Variants in ARL14EPL observed in about 807,000 individuals in gnomAD.
ARL14EPL encodes ARF like GTPase 14 effector protein like.
ARL14EPL carries 17 observed loss-of-function variants against 15.9 expected under a neutral mutation model. That is an observed-to-expected ratio of 1.07 (90% CI 0.73 to 1.60). The LOEUF is 1.60. ARL14EPL is among the 40% of genes most tolerant of loss of function. The pLI, the probability that ARL14EPL is intolerant of heterozygous loss-of-function variation, is 0.00. For synonymous variants in ARL14EPL, 78 were observed against 63.8 expected, an observed-to-expected ratio of 1.22 and a Z score of -1.06; for missense variants, 214 against 185.9, an observed-to-expected ratio of 1.15 and a Z score of -0.88.
chr5:116,058,902 G>A lies in ARL14EPL; in HGVS notation c.414G>A (p.Glu138=), dbSNP rs1749584498. 1 of 1,536,094 alleles carries A rather than the reference G, an allele frequency of 6.5e-7. No homozygotes were observed. Among genetic ancestry groups the A allele is most frequent in the Non-Finnish European group, 8.7e-7 (1 of 1,146,896 alleles). ...GGGTTTACGATGCCATCGTCACTGA[G>A]TCAGGAGAGGTCATCAGCACGCTGC... ...RRWVYDAIVT[E]SGEVISTLPF... The change falls in exon 4 of 4, where the codon GAG becomes GAA. Residue 138 remains glutamate (E), a synonymous_variant. Transcript: ENST00000686077.
At chr5:116,049,379 ACT>A (rs1749328779) in intron 1 of ARL14EPL, among the ~76,000 whole-genome samples, 1 of 151,698 alleles carries the variant, frequency 6.6e-6, no homozygotes, top group South Asian at 2.1e-4. Flanking sequence ...AAGTTGAAAA[ACT>A]CTTCATAGGA....
intron 1 of ARL14EPL, among the ~76,000 whole-genome samples, chr5:116,046,519 C>T (rs563251076): frequency 6.6e-6 from 1 of 152,258 alleles, no homozygotes; most frequent in South Asian, 2.1e-4. Flanking sequence ...AGGTATGGAC[C>T]TGGTGCCATT....
intron 1 of ARL14EPL, among the ~76,000 whole-genome samples, chr5:116,048,795 T>C (rs149120283): frequency 1.3e-5 from 2 of 152,216 alleles, no homozygotes; most frequent in Non-Finnish European, 2.9e-5. Flanking sequence ...TTCACTGATA[T>C]ACCAGAGGGA....
intron 3 of ARL14EPL, among the ~76,000 whole-genome samples, chr5:116,057,087 G>C (rs2662476): frequency 6.6e-6 from 1 of 151,538 alleles, no homozygotes; most frequent in Non-Finnish European, 1.5e-5. Flanking sequence ...ATGATCAAGT[G>C]GGCTTCATCC....
intron 1 of ARL14EPL, among the ~76,000 whole-genome samples, chr5:116,038,016 A>G (rs183499534): frequency 1.2e-3 from 178 of 152,330 alleles, no homozygotes; most frequent in African/African-American, 4.0e-3. Context: ...CCTATCATGC[A>G]CAGCAGGAAT....
chr5:116,056,628 C>T (rs930794402), intron 3 of ARL14EPL, among the ~76,000 whole-genome samples: 3 of 152,234 alleles, frequency 2.0e-5, no homozygotes, highest in African/African-American at 7.2e-5. Flanking sequence ...GTTTCTTTTG[C>T]TGTGCAGAAG....
intron 3 of ARL14EPL, among the ~76,000 whole-genome samples, chr5:116,056,779 A>C (rs1188196484): frequency 6.6e-6 from 1 of 152,158 alleles, no homozygotes; most frequent in Non-Finnish European, 1.5e-5. Context: ...TTATGGTTTT[A>C]GGTCTAACAT....
rs577845687 is a variant in ARL14EPL, at chr5:116,047,129, G to C, written c.-9-4328G>C. ...GTCTGTTGTTTAAGCCACTCAGTCT[G>C]TGATATTTTGTTATAGCAGCCTGAG... is the stretch of plus-strand genomic sequence containing the variant. On this transcript the variant is annotated intron_variant, in intron 1 of 3. Coordinates refer to ENST00000686077, the MANE Select transcript of ARL14EPL (RefSeq NM_001195581.2). 1.5e-3 allele frequency among the ~76,000 whole-genome samples: 221 copies of C among 152,316 alleles called. 1 individual carries two copies. Among genetic ancestry groups the C allele is most frequent in the African/African-American group, 5.2e-3 (215 of 41,542 alleles).
intron 1 of ARL14EPL, among the ~76,000 whole-genome samples, chr5:116,032,706 C>T (rs1365509065): frequency 1.3e-5 from 2 of 152,092 alleles, no homozygotes; most frequent in African/African-American, 4.8e-5. Flanking sequence ...AGGATACTAT[C>T]CATGGTTTCA....
At chr5:116,040,852 G>A (rs899372383) in intron 1 of ARL14EPL, among the ~76,000 whole-genome samples, 2 of 149,096 alleles carry the variant, frequency 1.3e-5, no homozygotes, top group Non-Finnish European at 3.0e-5. Context: ...GTGGTGGCGG[G>A]CGCCTGTAGT....
intron 1 of ARL14EPL, among the ~76,000 whole-genome samples, chr5:116,044,597 C>T (rs1019093587): frequency 6.6e-6 from 1 of 152,006 alleles, no homozygotes; most frequent in African/African-American, 2.4e-5. Flanking sequence ...ATTAGTTAAA[C>T]TTTTGAAGTT....
intron 1 of ARL14EPL, among the ~76,000 whole-genome samples, chr5:116,035,408 C>G (rs1749030594): frequency 6.6e-6 from 1 of 152,222 alleles, no homozygotes; most frequent in African/African-American, 2.4e-5. Flanking sequence ...ATGATCAAGC[C>G]TAAGCTCAGA....
At chr5:116,047,011 C>T (rs1749280059) in intron 1 of ARL14EPL, among the ~76,000 whole-genome samples, 1 of 152,184 alleles carries the variant, frequency 6.6e-6, no homozygotes, top group Admixed American at 6.5e-5. Context: ...AAGAAGCAGG[C>T]AGCCTGCAAG....
intron 3 of ARL14EPL, among the ~76,000 whole-genome samples, chr5:116,056,793 A>C (rs972733381): frequency 1.3e-5 from 2 of 152,182 alleles, no homozygotes; most frequent in Admixed American, 1.3e-4. Flanking sequence ...CTAACATTTA[A>C]GTCTTTAATC....
intron 2 of ARL14EPL, chr5:116,052,257 C>T: frequency 1.3e-6 from 2 of 1,588,140 alleles, no homozygotes; most frequent in Non-Finnish European, 1.7e-6. Flanking sequence ...TTTCCAGCGT[C>T]CTTCTTCTCG....
intron 3 of ARL14EPL, 113 bp downstream of exon 3, chr5:116,054,266 C>T: frequency 8.5e-7 from 1 of 1,182,542 alleles, no homozygotes. Flanking sequence ...AAAAATATCT[C>T]CTCTGAAATA....
At chr5:116,034,826 G>A (rs1749019955) in intron 1 of ARL14EPL, among the ~76,000 whole-genome samples, 1 of 152,146 alleles carries the variant, frequency 6.6e-6, no homozygotes, top group South Asian at 2.1e-4. Flanking sequence ...AGATTTCAAT[G>A]TTAAGGATTT....
chr5:116,046,702 G>T (rs567116785), intron 1 of ARL14EPL, among the ~76,000 whole-genome samples: 1 of 152,148 alleles, frequency 6.6e-6, no homozygotes, highest in Non-Finnish European at 1.5e-5. Context: ...CTGTTCCAGC[G>T]CTGAAGAAAT....
At chr5:116,033,006 C>G (rs2112662880) in intron 1 of ARL14EPL, among the ~76,000 whole-genome samples, 1 of 152,204 alleles carries the variant, frequency 6.6e-6, no homozygotes, top group South Asian at 2.1e-4. Flanking sequence ...ACCATGTTGC[C>G]TGGGCTGGTC....
Sources: allele counts gnomAD v4.1 joint callset (sites outside exome capture counted in the v4.1 genomes callset), GRCh38; gene constraint gnomAD v4.1.1; transcripts MANE v1.5; gene names NCBI Gene and HGNC (gene_info 2026-07-23, HGNC 2026-07-21).